CRYBG3: variants seen among roughly 807,000 people sequenced by gnomAD.
CRYBG3 encodes crystallin beta-gamma domain containing 3, also known as very large A-kinase anchor protein.
A neutral mutation model predicts 244.2 loss-of-function variants in CRYBG3; 127 were observed. The observed-to-expected ratio is 0.52, with a 90% confidence interval of 0.45 to 0.60. The LOEUF is 0.60. Among genes scored for constraint, CRYBG3 ranks in the 20% least tolerant of loss-of-function variants. The probability of loss-of-function intolerance (pLI) is 0.00; values close to 1 mark genes in which losing one functional copy is unlikely to be tolerated. For missense variants in CRYBG3, 3,325 were observed against 3,442.5 expected (o/e 0.97, Z 0.85); for synonymous variants, 1,132 against 1,195.8 (o/e 0.95, Z 1.10).
chr3:97,839,155 C>T (rs962035497), intron 1 of CRYBG3, among the ~76,000 whole-genome samples: 11 of 152,170 alleles, frequency 7.2e-5, no homozygotes, highest in Non-Finnish European at 1.3e-4. Flanking sequence ...AATTGAAATA[C>T]CCTGGGTCCC....
chr3:97,877,102 A>G lies in CRYBG3; in HGVS notation c.5908A>G (p.Ile1970Val), dbSNP rs760928736. The stretch of plus-strand genomic sequence containing the variant: ...AGACAAAAGAATGTCTCTTACTGCA[A>G]TATATGACAAGAGGAGAGAGACAGA... ...RLDKRMSLTA[I>V]YDKRRETDYS... Residue 1970 changes from isoleucine (I) to valine (V), a missense_variant, in exon 4 of 22, where the codon ATA (isoleucine) becomes GTA (valine). Ile to Val is a conservative substitution (Grantham distance 29, BLOSUM62 3). Coordinates refer to ENST00000389622, the MANE Select transcript of CRYBG3 (RefSeq NM_153605.4). 6.2e-7 allele frequency: 1 copy of G among 1,613,058 alleles called. No individual in the cohort carries two copies. Among genetic ancestry groups the G allele is most frequent in the Non-Finnish European group, 8.5e-7 (1 of 1,179,366 alleles).
At chr3:97,924,759 G>T (rs2040020698) in intron 17 of CRYBG3, among the ~76,000 whole-genome samples, 1 of 152,036 alleles carries the variant, frequency 6.6e-6, no homozygotes, top group Admixed American at 6.6e-5. Context: ...GGGCTTACCT[G>T]AGTAATCTAG....
intron 17 of CRYBG3, 107 bp from the exon 18 acceptor site, chr3:97,933,587 C>T: frequency 9.3e-7 from 1 of 1,077,936 alleles, no homozygotes; most frequent in Non-Finnish European, 1.4e-6. Context: ...AAACAGTAAA[C>T]TCCATGCATT....
At position 97,905,841 on chromosome 3, in the gene CRYBG3, T is replaced by C. The variant is rs1096623; in HGVS notation, c.8004+5356T>C. 4.5e-5 allele frequency among the ~76,000 whole-genome samples: 3 copies of C among 66,722 alleles called. 1 individual carries two copies. Among genetic ancestry groups the C allele is most frequent in the Non-Finnish European group, 1.1e-4 (3 of 27,570 alleles). The allele number at this position is 66,722 out of a possible 152,430, so 43.8% of individuals were successfully genotyped here. A position where few individuals can be genotyped will look rare whatever the true frequency, so the allele number is the denominator to read the frequency against. ...GCCCATGCCTATGTCCTGAATGGTATTGCCTAGGTTTTCTTCTAGGGTTTT... is the reference window on the plus strand; with the variant it reads ...GCCCATGCCTATGTCCTGAATGGTACTGCCTAGGTTTTCTTCTAGGGTTTT... On this transcript the variant is annotated intron_variant, in intron 15 of 21. Transcript: ENST00000389622.
At chr3:97,845,060 C>T (rs191519832) in intron 2 of CRYBG3, among the ~76,000 whole-genome samples, 133 of 152,252 alleles carry the variant, frequency 8.7e-4, no homozygotes, top group African/African-American at 2.8e-3. Context: ...TTTCTTCAAC[C>T]TAGCCGCACA....
Position 97,874,099 on chromosome 3 carries a change from C to CA in CRYBG3, c.2907dup (p.Ser970IlefsTer8). ...TGAAGCTCACACTTGTGTGTTTCAT[C>CA]AATCTTTGGATATTTGTGGGACTAA... On this transcript the variant is annotated frameshift_variant, in exon 4 of 22. Transcript: ENST00000389622. LOFTEE classifies it high-confidence loss of function. The CA allele has an allele frequency of 2.0e-6, 3 of 1,535,662 alleles. No individual in the cohort carries two copies. The highest frequency in any genetic ancestry group is 2.6e-6 in the Non-Finnish European group (3 of 1,146,770).
intron 1 of CRYBG3, among the ~76,000 whole-genome samples, chr3:97,834,247 T>C (rs1479206902): frequency 6.6e-6 from 1 of 152,106 alleles, no homozygotes; most frequent in African/African-American, 2.4e-5. Flanking sequence ...CCCATTGTAA[T>C]AGGCAGAATT....
intron 1 of CRYBG3, among the ~76,000 whole-genome samples, chr3:97,833,245 T>C (rs1483858822): frequency 1.3e-5 from 2 of 152,176 alleles, no homozygotes; most frequent in African/African-American, 4.8e-5. Flanking sequence ...ATCATTCTGC[T>C]ATAAAGACAC....
intron 7 of CRYBG3, among the ~76,000 whole-genome samples, chr3:97,886,424 A>G (rs2039507358): frequency 6.6e-6 from 1 of 152,162 alleles, no homozygotes; most frequent in Non-Finnish European, 1.5e-5. Context: ...TTTCCATAAA[A>G]TTTATGATTT....
intron 17 of CRYBG3, among the ~76,000 whole-genome samples, chr3:97,916,404 T>C (rs1182932793): frequency 6.6e-6 from 1 of 152,164 alleles, no homozygotes; most frequent in African/African-American, 2.4e-5. Context: ...GTAAGTAGGT[T>C]TTCCTTTTTA....
intron 1 of CRYBG3, among the ~76,000 whole-genome samples, chr3:97,827,568 T>G (rs2038594495): frequency 6.6e-6 from 1 of 152,220 alleles, no homozygotes; most frequent in African/African-American, 2.4e-5. Flanking sequence ...ACCAAGTGTG[T>G]GTTTGTTTTC....
intron 15 of CRYBG3, among the ~76,000 whole-genome samples, chr3:97,910,063 G>A (rs1426941947): frequency 1.3e-5 from 2 of 151,842 alleles, no homozygotes; most frequent in Non-Finnish European, 2.9e-5. Context: ...GCTGCTCAGG[G>A]GTCAGGGGTC....
chr3:97,874,947 G>A lies in CRYBG3; in HGVS notation c.3753G>A (p.Val1251=). 2 of 1,535,904 alleles carry A rather than the reference G, an allele frequency of 1.3e-6. No individual in the cohort carries two copies. Among genetic ancestry groups the A allele is most frequent in the Non-Finnish European group, 1.7e-6 (2 of 1,146,844 alleles). The change falls in exon 4 of 22, where the codon GTG becomes GTA. Residue 1251 remains valine, a synonymous_variant. Transcript: ENST00000389622. The part of the protein sequence containing the change: ...EDISEKNPSE[V]TLTEIQQTEG... ...TCTCTGAGAAAAACCCATCAGAAGTGACACTAACAGAAATACAACAGACAG... is the reference window on the plus strand; with the variant it reads ...TCTCTGAGAAAAACCCATCAGAAGTAACACTAACAGAAATACAACAGACAG...
chr3:97,835,903 G>A (rs917024313), intron 1 of CRYBG3, among the ~76,000 whole-genome samples: 55 of 152,118 alleles, frequency 3.6e-4, no homozygotes, highest in African/African-American at 1.3e-3. Flanking sequence ...TGAATCTTGT[G>A]GGGGTGAGTC....
At chr3:97,912,834 A>C (rs1414436553) in intron 16 of CRYBG3, among the ~76,000 whole-genome samples, 6 of 152,096 alleles carry the variant, frequency 3.9e-5, no homozygotes, top group Admixed American at 3.9e-4. Context: ...ATGAAACTAC[A>C]TGTGATTCCC....
chr3:97,890,365 T>C (rs140776370), intron 10 of CRYBG3, among the ~76,000 whole-genome samples: 1 of 152,220 alleles, frequency 6.6e-6, no homozygotes, highest in Non-Finnish European at 1.5e-5. Context: ...GCTGTCTGAA[T>C]GCCTTCTGTC....
intron 2 of CRYBG3, among the ~76,000 whole-genome samples, chr3:97,844,855 C>A (rs2038876772): frequency 6.6e-6 from 1 of 152,184 alleles, no homozygotes; most frequent in Admixed American, 6.5e-5. Context: ...TTCATTTTGG[C>A]ATCTAAGCCC....
chr3:97,839,683 T>C (rs918834518), intron 1 of CRYBG3, among the ~76,000 whole-genome samples: 2 of 152,042 alleles, frequency 1.3e-5, no homozygotes, highest in Non-Finnish European at 2.9e-5. Context: ...GGTCTCACTC[T>C]ATCACCCAGG....
chr3:97,872,053 A>G lies in CRYBG3; in HGVS notation c.859A>G (p.Ser287Gly). ...GGTACTGCCACTGTTGTTATCAGCT[A>G]GTACAGACTCATCTATGAAAGGAAA... ...AGVLPLLLSA[S>G]TDSSMKGNLL... Residue 287 changes from serine (S) to glycine (G), a missense_variant, in exon 4 of 22, where the codon AGT becomes GGT. Around this residue, in one of 4 missense-constraint regions of CRYBG3, gnomAD observed 1,526 missense variants for 1,443.2 expected, o/e 1.06. Coordinates refer to ENST00000389622, the MANE Select transcript of CRYBG3 (RefSeq NM_153605.4). The G allele has an allele frequency of 6.5e-7, 1 of 1,535,772 alleles. No homozygotes were observed. The highest frequency in any genetic ancestry group is 8.7e-7 in the Non-Finnish European group (1 of 1,146,682).
Sources: gnomAD v4.1 joint callset for allele counts (sites outside exome capture counted in the v4.1 genomes callset) on GRCh38, gnomAD v4.1.1 for gene constraint, gnomAD v4.1.1 regional missense constraint, MANE v1.5 for transcripts, NCBI Gene and HGNC (gene_info 2026-07-23, HGNC 2026-07-21) for gene names.